ACKR2: variants seen among roughly 807,000 people sequenced by gnomAD.
The protein encoded by ACKR2 is C-C chemokine receptor D6.
For missense variants in ACKR2, 457 were observed against 477.3 expected, an observed-to-expected ratio of 0.96 and a Z score of 0.40; for synonymous variants, 207 against 192.2, an observed-to-expected ratio of 1.08 and a Z score of -0.64.
Position 42,833,442 on chromosome 3 carries a change from T to A in ACKR2, c.-38+13731T>A, listed in dbSNP as rs1582882. ...ATTACATGCATAAGTTCTTTAGTGG[T>A]GATTTCTGAGATTTTGGTGCACCCA... On this transcript the variant is annotated intron_variant, in intron 2 of 2. Transcript: ENST00000422265. 2.6e-5 allele frequency among the ~76,000 whole-genome samples: 4 copies of A among 152,072 alleles called. No homozygotes were observed. In the South Asian group the frequency reaches 8.3e-4, roughly 32 times the overall value.
intron 2 of ACKR2, among the ~76,000 whole-genome samples, chr3:42,849,073 C>T (rs1402204989): frequency 6.6e-6 from 1 of 152,064 alleles, no homozygotes; most frequent in African/African-American, 2.4e-5. Context: ...AGATCCTGGG[C>T]CAGAGAAAGG....
chr3:42,826,318 T>G (rs903880169), intron 2 of ACKR2, among the ~76,000 whole-genome samples: 1 of 152,138 alleles, frequency 6.6e-6, no homozygotes, highest in African/African-American at 2.4e-5. Flanking sequence ...TTGAAAGAGT[T>G]TGAGAGGATT....
At chr3:42,829,161 T>C (rs763149407) in intron 2 of ACKR2, among the ~76,000 whole-genome samples, 1 of 151,860 alleles carries the variant, frequency 6.6e-6, no homozygotes, top group Non-Finnish European at 1.5e-5. Context: ...GCCACAGAGG[T>C]TGGAATGTGT....
At chr3:42,850,923 C>T (rs1701150065) in intron 2 of ACKR2, 1 of 152,298 alleles carries the variant, frequency 6.6e-6, no homozygotes. Flanking sequence ...CAGACACAGC[C>T]CTGCTCAGTG....
At chr3:42,830,690 C>CTT (rs71288037) in intron 2 of ACKR2, among the ~76,000 whole-genome samples, 7,810 of 148,030 alleles carry the variant, frequency 0.053, 239 homozygotes, top group South Asian at 0.12. Context: ...TTTTTCTTTT[C>CTT]TTTTTTTTTT....
chr3:42,828,136 G>A (rs996389336), intron 2 of ACKR2, among the ~76,000 whole-genome samples: 3 of 143,200 alleles, frequency 2.1e-5, no homozygotes, highest in African/African-American at 5.3e-5. Context: ...CTGAGACAGA[G>A]TCTTGCTCTG....
chr3:42,816,722 AT>A (rs1235598359), intron 1 of ACKR2, among the ~76,000 whole-genome samples: 4 of 151,640 alleles, frequency 2.6e-5, no homozygotes, highest in Admixed American at 1.3e-4. Context: ...ACACCTGGCT[AT>A]TTTTTTCTAT....
chr3:42,843,055 T>G (rs1171259635), intron 2 of ACKR2, among the ~76,000 whole-genome samples: 1 of 148,156 alleles, frequency 6.7e-6, no homozygotes, highest in African/African-American at 2.5e-5. Context: ...TTTATTTATT[T>G]ATTTATTTAT....
At chr3:42,848,202 A>T (rs63682562) in intron 2 of ACKR2, among the ~76,000 whole-genome samples, 1 of 86,176 alleles carries the variant, frequency 1.2e-5, no homozygotes, top group Non-Finnish European at 3.0e-5. Context: ...TAACTCTTTT[A>T]AAAAAAAAAA....
intron 2 of ACKR2, among the ~76,000 whole-genome samples, chr3:42,825,086 T>C (rs1431170796): frequency 1.3e-5 from 2 of 152,186 alleles, no homozygotes; most frequent in Non-Finnish European, 2.9e-5. Context: ...TATTCTGATA[T>C]CAGTACTACA....
Position 42,864,468 on chromosome 3 carries a change from C to G in ACKR2, c.-35C>G. 6.4e-7 allele frequency: 1 copy of G among 1,559,238 alleles called. No homozygotes were observed. The highest frequency in any genetic ancestry group is 8.7e-7 in the Non-Finnish European group (1 of 1,154,146). On this transcript the variant is annotated splice_region_variant and 5_prime_UTR_variant, in exon 3 of 3. Transcript: ENST00000422265. ...CTCACCATATTTTCCCCCCGCAGCACTACAGGACGTCGGGACTGGGCATTT... is the reference window on the plus strand; with the variant it reads ...CTCACCATATTTTCCCCCCGCAGCAGTACAGGACGTCGGGACTGGGCATTT...
chr3:42,823,309 T>C (rs952681577), intron 2 of ACKR2, among the ~76,000 whole-genome samples: 2 of 152,222 alleles, frequency 1.3e-5, no homozygotes, highest in African/African-American at 4.8e-5. Flanking sequence ...GAATTTGTAC[T>C]GAACTTGGTC....
At chr3:42,839,668 G>GGC (rs2125612861) in intron 2 of ACKR2, among the ~76,000 whole-genome samples, 1 of 152,300 alleles carries the variant, frequency 6.6e-6, no homozygotes, top group South Asian at 2.1e-4. Context: ...TTACTGGAAA[G>GGC]GCGCACAAAG....
At chr3:42,848,552 A>G (rs995145185) in intron 2 of ACKR2, among the ~76,000 whole-genome samples, 7 of 152,198 alleles carry the variant, frequency 4.6e-5, no homozygotes, top group African/African-American at 1.7e-4. Context: ...TAATTAATAC[A>G]TGTAGAAAGA....
intron 2 of ACKR2, among the ~76,000 whole-genome samples, chr3:42,845,848 CAAA>C (rs35395771): frequency 4.0e-5 from 2 of 49,402 alleles, no homozygotes; most frequent in Non-Finnish European, 9.5e-5. Context: ...GACTCCGTCT[CAAA>C]AAAAAAAAAA....
At chr3:42,864,431 A>G (rs2088412835) in intron 2 of ACKR2, 35 bp from the exon 3 acceptor site, 1 of 1,516,380 alleles carries the variant, frequency 6.6e-7, no homozygotes, top group South Asian at 1.3e-5. Flanking sequence ...AGAAAGGTAG[A>G]GAATGCTAGG....
intron 2 of ACKR2, among the ~76,000 whole-genome samples, chr3:42,863,304 G>C (rs1359401222): frequency 6.6e-6 from 1 of 152,140 alleles, no homozygotes; most frequent in African/African-American, 2.4e-5. Flanking sequence ...ACCACAATGA[G>C]ATGAGATACC....
chr3:42,846,314 G>C (rs1246709993), intron 2 of ACKR2, among the ~76,000 whole-genome samples: 4 of 152,174 alleles, frequency 2.6e-5, no homozygotes, highest in African/African-American at 9.7e-5. Flanking sequence ...CTGTTGATTA[G>C]CTGTCAGCTT....
chr3:42,860,176 A>AC (rs2088368447), intron 2 of ACKR2, among the ~76,000 whole-genome samples: 4 of 141,174 alleles, frequency 2.8e-5, no homozygotes, highest in East Asian at 2.0e-4. Context: ...AAAAAAAAAA[A>AC]AAAAAAAAAA....
Sources: gnomAD v4.1 joint callset for allele counts (sites outside exome capture counted in the v4.1 genomes callset) on GRCh38, gnomAD v4.1.1 for gene constraint, MANE v1.5 for transcripts, NCBI Gene and HGNC (gene_info 2026-07-23, HGNC 2026-07-21) for gene names.